Variants in AKAP9 observed in about 807,000 individuals in gnomAD.
AKAP9 encodes the protein A-kinase anchoring protein 9.
AKAP9 carries 311 observed loss-of-function variants against 488.5 expected under a neutral mutation model. The observed-to-expected ratio is 0.64, with a 90% CI of 0.58 to 0.70. The LOEUF (loss-of-function observed/expected upper bound fraction) is 0.70. AKAP9 is among the 30% of genes least tolerant of loss of function. The pLI, the probability that AKAP9 is intolerant of heterozygous loss-of-function variation, is 0.00. For synonymous variants in AKAP9, 1,462 were observed against 1,483.5 expected (o/e 0.99, Z 0.33); for missense variants, 4,215 against 4,374.5 (o/e 0.96, Z 1.03).
At chr7:92,022,449 T>A in intron 13 of AKAP9, 97 bp downstream of exon 13, 1 of 861,426 alleles carries the variant, frequency 1.2e-6, no homozygotes, top group Non-Finnish European at 1.9e-6. Flanking sequence ...TAGTGACCTT[T>A]GGCATTTCAC....
chr7:91,997,341 C>G (rs1180706472), intron 7 of AKAP9, among the ~76,000 whole-genome samples: 1 of 152,140 alleles, frequency 6.6e-6, no homozygotes, highest in East Asian at 1.9e-4. Context: ...ATAGGTCTGG[C>G]TTCATAAGAG....
rs183718911 is a variant in AKAP9, at chr7:92,108,197, G to T, written c.11547-297G>T. On this transcript the variant is annotated intron_variant, in intron 48 of 49. Coordinates refer to ENST00000356239, the MANE Select transcript of AKAP9 (RefSeq NM_005751.5). ...AAGTATTGACTAAAATTGATACTCT[G>T]ATCATTATGAAAAGCTTAACAGTCT... is the stretch of plus-strand genomic sequence containing the variant. Among the ~76,000 whole-genome samples the T allele has an allele frequency of 2.3e-3, 348 of 152,226 alleles. 1 individual carries two copies. The highest frequency in any genetic ancestry group is 4.1e-3 in the Non-Finnish European group (282 of 68,000).
At chr7:91,956,687 T>G (rs1486560066) in intron 1 of AKAP9, among the ~76,000 whole-genome samples, 1 of 152,182 alleles carries the variant, frequency 6.6e-6, no homozygotes, top group African/African-American at 2.4e-5. Context: ...TGCTAATAGC[T>G]TCATGTTATG....
intron 8 of AKAP9, among the ~76,000 whole-genome samples, chr7:92,006,486 AG>A (rs758731007): frequency 5.9e-5 from 9 of 152,190 alleles, no homozygotes; most frequent in Non-Finnish European, 1.3e-4. Context: ...GATACTAAAA[AG>A]ATACTTTTGA....
chr7:92,107,026 G>T (rs372502227), intron 47 of AKAP9, among the ~76,000 whole-genome samples: 50 of 152,086 alleles, frequency 3.3e-4, no homozygotes, highest in African/African-American at 1.1e-3. Flanking sequence ...CTTTAAAGAA[G>T]AAAATATGCC....
rs530179968 is a variant in AKAP9 at position 92,098,395 on chromosome 7, AG to A, written c.10713+188del. Among the ~76,000 whole-genome samples, 15 of 152,188 alleles carry A rather than the reference AG, an allele frequency of 9.9e-5. No individual in the cohort carries two copies. In the South Asian group the frequency reaches 2.7e-3, roughly 27 times the overall value. ...CCCCAAGAGAAGATAATGAAAGCTT[AG>A]GGGGGGAATTAGCTTTCATTATTGT... On this transcript the variant is annotated intron_variant, in intron 43 of 49. Coordinates refer to ENST00000356239, the MANE Select transcript of AKAP9 (RefSeq NM_005751.5).
At chr7:92,020,501 T>C (rs1431207740) in intron 12 of AKAP9, among the ~76,000 whole-genome samples, 1 of 152,234 alleles carries the variant, frequency 6.6e-6, no homozygotes, top group African/African-American at 2.4e-5. Context: ...TTTCTCTTTT[T>C]TCGTTACTTT....
chr7:92,050,349 C>T (rs1309696489), intron 21 of AKAP9, among the ~76,000 whole-genome samples: 2 of 152,100 alleles, frequency 1.3e-5, no homozygotes, highest in Non-Finnish European at 2.9e-5. Context: ...CCTGCCTCGG[C>T]CTCCCAAAGT....
At position 91,958,524 on chromosome 7, in the gene AKAP9, G is replaced by A. The variant is rs924548093; in HGVS notation, c.49-15187G>A. ...AAAATGAAGCAGAGATAGGATAGGT[G>A]ACATCTAAACAGCACTTTCTTTAGG... On this transcript the variant is annotated intron_variant, in intron 1 of 49. Transcript: ENST00000356239. Among the ~76,000 whole-genome samples, 4 of 152,276 alleles carry A rather than the reference G, an allele frequency of 2.6e-5. No individual in the cohort carries two copies. The East Asian group carries it at 5.8e-4, about 22-fold the overall frequency.
At chr7:91,974,332 A>AC (rs1795411829) in intron 2 of AKAP9, among the ~76,000 whole-genome samples, 1 of 151,744 alleles carries the variant, frequency 6.6e-6, no homozygotes, top group South Asian at 2.1e-4. Flanking sequence ...GTCCAACTTC[A>AC]TTTTTTTTGT....
chr7:92,089,782 T>A (rs1815230827), intron 38 of AKAP9: 1 of 303,080 alleles, frequency 3.3e-6, no homozygotes, highest in Non-Finnish European at 6.2e-6. Flanking sequence ...GATTCATTCT[T>A]TTTCTTTATT....
intron 22 of AKAP9, among the ~76,000 whole-genome samples, chr7:92,054,014 A>G (rs772107485): frequency 5.3e-5 from 8 of 152,266 alleles, no homozygotes; most frequent in Non-Finnish European, 1.2e-4. Flanking sequence ...ATGTTAAACT[A>G]GTTGTTGGCA....
At chr7:92,078,278 A>G (rs992007464) in intron 30 of AKAP9, among the ~76,000 whole-genome samples, 3 of 151,370 alleles carry the variant, frequency 2.0e-5, no homozygotes, top group Admixed American at 6.6e-5. Context: ...TATTACTGGC[A>G]TGAGCCACCA....
intron 1 of AKAP9, among the ~76,000 whole-genome samples, chr7:91,949,759 A>C (rs10238375): frequency 6.6e-6 from 1 of 152,186 alleles, no homozygotes; most frequent in Non-Finnish European, 1.5e-5. Context: ...ACATTATTTC[A>C]GGAGTAGTTT....
chr7:92,102,966 C>T, intron 46 of AKAP9, 140 bp downstream of exon 46: 2 of 770,696 alleles, frequency 2.6e-6, no homozygotes, highest in South Asian at 3.4e-5. Flanking sequence ...AGCATGTCTG[C>T]TTTTTTTTTC....
intron 8 of AKAP9, among the ~76,000 whole-genome samples, chr7:92,006,946 A>G (rs1463833164): frequency 6.6e-6 from 1 of 152,168 alleles, no homozygotes; most frequent in Admixed American, 6.5e-5. Flanking sequence ...CTCCTTGAGA[A>G]CAGGGACCCA....
At position 92,110,345 on chromosome 7, in the gene AKAP9, G is replaced by GT; in HGVS notation, c.*187dup. The GT allele has an allele frequency of 3.4e-6, 2 of 583,380 alleles. No individual in the cohort carries two copies. Among genetic ancestry groups the GT allele is most frequent in the Non-Finnish European group, 6.1e-6 (2 of 327,576 alleles). 36.1% of individuals were successfully genotyped at this position (583,380 alleles called of 1,614,324 possible). A position where few individuals can be genotyped will look rare whatever the true frequency, so the allele number is the denominator to read the frequency against. ...ATTTGTATATATAAGCATTGTGTAT[G>GT]TATTCATGCACAATAATTATTGAAT... On this transcript the variant is annotated 3_prime_UTR_variant, in exon 50 of 50. Transcript: ENST00000356239.
In AKAP9 at chr7:92,093,140, G is replaced by A. The variant is rs1815929466; in HGVS notation, c.9402G>A (p.Leu3134=). The change falls in exon 39 of 50, where the codon CTG becomes CTA. Residue 3134 remains leucine (L), a synonymous_variant. Transcript: ENST00000356239. ...YNIQQKQSQM[L]EMQVELSSMK... ...TACAGCAGAAGCAGTCTCAAATGCT[G>A]GAGATGCAAGTGGAGCTCAGCAGTA... 6.2e-7 allele frequency: 1 copy of A among 1,614,054 alleles called. No homozygotes were observed. The highest frequency in any genetic ancestry group is 1.3e-5 in the African/African-American group (1 of 74,934).
chr7:92,074,039 G>A (rs1049705926), intron 28 of AKAP9, among the ~76,000 whole-genome samples: 2 of 152,184 alleles, frequency 1.3e-5, no homozygotes, highest in Non-Finnish European at 2.9e-5. Flanking sequence ...TTAAATGAAA[G>A]AGCTTCTGCA....
Sources: allele counts gnomAD v4.1 joint callset (sites outside exome capture counted in the v4.1 genomes callset), GRCh38; gene constraint gnomAD v4.1.1; transcripts MANE v1.5; gene names NCBI Gene and HGNC (gene_info 2026-07-23, HGNC 2026-07-21).